The following ARHGAP15 variants were observed in gnomAD, a reference collection of about 807,000 sequenced individuals.
ARHGAP15 encodes Rho GTPase activating protein 15, also known as rho GTPase-activating protein 15.
A neutral mutation model predicts 63.7 loss-of-function variants in ARHGAP15; 51 were observed. The observed-to-expected ratio is 0.80, with a 90% CI of 0.64 to 1.01. The LOEUF is 1.01. ARHGAP15 is among the 50% of genes least tolerant of loss of function. The pLI is 0.00. For synonymous variants in ARHGAP15, 191 were observed against 193.8 expected, an observed-to-expected ratio of 0.99 and a Z score of 0.12; for missense variants, 560 against 564.6, an observed-to-expected ratio of 0.99 and a Z score of 0.08.
chr2:143,456,180 C>G (rs1370531746), intron 8 of ARHGAP15, among the ~76,000 whole-genome samples: 1 of 151,838 alleles, frequency 6.6e-6, no homozygotes, highest in Non-Finnish European at 1.5e-5. Context: ...TAACTTAGCC[C>G]CTGAAAGTTC....
At chr2:143,696,951 T>C (rs1384345551) in intron 12 of ARHGAP15, among the ~76,000 whole-genome samples, 1 of 152,178 alleles carries the variant, frequency 6.6e-6, no homozygotes, top group Non-Finnish European at 1.5e-5. Flanking sequence ...AAAGCCAAAC[T>C]TACAATGTAT....
At chr2:143,487,785 T>C (rs1692393729) in intron 9 of ARHGAP15, among the ~76,000 whole-genome samples, 1 of 152,150 alleles carries the variant, frequency 6.6e-6, no homozygotes, top group African/African-American at 2.4e-5. Flanking sequence ...GCTAGAATGA[T>C]ACCATGTCCT....
intron 11 of ARHGAP15, among the ~76,000 whole-genome samples, chr2:143,581,391 C>A (rs1003825662): frequency 6.6e-6 from 1 of 152,018 alleles, no homozygotes; most frequent in African/African-American, 2.4e-5. Context: ...AGCCCCATAG[C>A]CCCACAGCCC....
At chr2:143,187,434 G>T (rs1211962696) in intron 2 of ARHGAP15, among the ~76,000 whole-genome samples, 1 of 152,178 alleles carries the variant, frequency 6.6e-6, no homozygotes, top group Non-Finnish European at 1.5e-5. Context: ...TTTGGATAAA[G>T]AATGCAGGGG....
intron 1 of ARHGAP15, among the ~76,000 whole-genome samples, chr2:143,150,671 C>T (rs1337215744): frequency 6.6e-6 from 1 of 151,928 alleles, no homozygotes; most frequent in African/African-American, 2.4e-5. Flanking sequence ...ATGGATATCT[C>T]AAACACATGC....
chr2:143,248,752 A>G lies in ARHGAP15; in HGVS notation c.385-1759A>G, dbSNP rs377548826. Among the ~76,000 whole-genome samples the G allele has an allele frequency of 1.4e-4, 22 of 152,300 alleles. No homozygotes were observed. In the East Asian group the frequency reaches 3.5e-3, roughly 24 times the overall value. ...GCAAGGAAAATACGGAATCTTCCTCATTTTAGCCTTAGACTTCTGTATAAT... is the reference window on the plus strand; with the variant it reads ...GCAAGGAAAATACGGAATCTTCCTCGTTTTAGCCTTAGACTTCTGTATAAT... On this transcript the variant is annotated intron_variant, in intron 5 of 13. Coordinates refer to ENST00000295095, the MANE Select transcript of ARHGAP15 (RefSeq NM_018460.4).
chr2:143,543,115 T>G (rs1695176827), intron 10 of ARHGAP15, among the ~76,000 whole-genome samples: 1 of 151,898 alleles, frequency 6.6e-6, no homozygotes, highest in Non-Finnish European at 1.5e-5. Context: ...TTGAGGAATC[T>G]CTATATTTTT....
At chr2:143,504,769 G>T (rs562408123) in intron 9 of ARHGAP15, among the ~76,000 whole-genome samples, 1 of 152,086 alleles carries the variant, frequency 6.6e-6, no homozygotes, top group African/African-American at 2.4e-5. Context: ...CCTGAAGAAG[G>T]CACCTTACCT....
intron 10 of ARHGAP15, among the ~76,000 whole-genome samples, chr2:143,545,994 G>A (rs1695312244): frequency 6.6e-6 from 1 of 152,206 alleles, no homozygotes; most frequent in African/African-American, 2.4e-5. Flanking sequence ...TTGCTGAAAG[G>A]CTAGAACAGC....
rs184144848 is a variant in ARHGAP15, at chr2:143,232,573, T to C, written c.384+3905T>C. ...AAATGTATAAAACATCTATGTGTAT[T>C]TTTAATAGGTATCAATCAATCACCT... On this transcript the variant is annotated intron_variant, in intron 5 of 13. Coordinates refer to ENST00000295095, the MANE Select transcript of ARHGAP15 (RefSeq NM_018460.4). 2.3e-4 allele frequency among the ~76,000 whole-genome samples: 35 copies of C among 152,276 alleles called. No homozygotes were observed. In the East Asian group the frequency reaches 4.4e-3, roughly 19 times the overall value.
At chr2:143,519,680 C>A (rs1036896425) in intron 10 of ARHGAP15, among the ~76,000 whole-genome samples, 1 of 152,140 alleles carries the variant, frequency 6.6e-6, no homozygotes, top group African/African-American at 2.4e-5. Context: ...AGTGTTAGAA[C>A]CTTCCTAACA....
At chr2:143,756,880 GACTC>G (rs1686598069) in intron 13 of ARHGAP15, among the ~76,000 whole-genome samples, 1 of 152,148 alleles carries the variant, frequency 6.6e-6, no homozygotes, top group Non-Finnish European at 1.5e-5. Context: ...TGTTGACTCT[GACTC>G]ACTTTTTTCC....
At chr2:143,384,070 G>A (rs951550575) in intron 6 of ARHGAP15, among the ~76,000 whole-genome samples, 19 of 152,154 alleles carry the variant, frequency 1.2e-4, no homozygotes, top group Admixed American at 2.6e-4. Flanking sequence ...CAACCTTGCA[G>A]ATGACTATTC....
At chr2:143,257,402 T>C (rs1680481008) in intron 6 of ARHGAP15, among the ~76,000 whole-genome samples, 1 of 152,086 alleles carries the variant, frequency 6.6e-6, no homozygotes, top group Non-Finnish European at 1.5e-5. Context: ...TTCTTCTGTT[T>C]CTAACATTTC....
chr2:143,312,232 A>G (rs929355002), intron 6 of ARHGAP15, among the ~76,000 whole-genome samples: 1 of 152,152 alleles, frequency 6.6e-6, no homozygotes, highest in Non-Finnish European at 1.5e-5. Flanking sequence ...ATAAGAGGAT[A>G]TTATTGGATA....
intron 6 of ARHGAP15, among the ~76,000 whole-genome samples, chr2:143,259,966 C>A (rs1046673760): frequency 6.6e-6 from 1 of 152,018 alleles, no homozygotes; most frequent in African/African-American, 2.4e-5. Context: ...ACATGAGATG[C>A]TTTAATCCCT....
Position 143,688,157 on chromosome 2 carries a change from A to C in ARHGAP15, c.1139-15262A>C, listed in dbSNP as rs766219448. Among the ~76,000 whole-genome samples the C allele has an allele frequency of 2.0e-5, 3 of 152,064 alleles. No homozygotes were observed. The South Asian group carries it at 6.2e-4, about 32-fold the overall frequency. ...TAGGAAAATTCATATGTAATACCTA[A>C]TTGCTTGATTTTCTAGTTTTTATCA... On this transcript the variant is annotated intron_variant, in intron 12 of 13. Coordinates refer to ENST00000295095, the MANE Select transcript of ARHGAP15 (RefSeq NM_018460.4).
intron 2 of ARHGAP15, among the ~76,000 whole-genome samples, chr2:143,167,908 C>A (rs1380589436): frequency 6.6e-6 from 1 of 152,090 alleles, no homozygotes; most frequent in Non-Finnish European, 1.5e-5. Flanking sequence ...CTGCTTGGCC[C>A]TAAGGACATT....
chr2:143,432,896 T>C (rs1372296041), intron 6 of ARHGAP15, among the ~76,000 whole-genome samples: 1 of 152,048 alleles, frequency 6.6e-6, no homozygotes, highest in Admixed American at 6.6e-5. Context: ...AGCTCTTATC[T>C]AAACCTGTTA....
Sources: gnomAD v4.1 joint callset for allele counts (sites outside exome capture counted in the v4.1 genomes callset) on GRCh38, gnomAD v4.1.1 for gene constraint, MANE v1.5 for transcripts, NCBI Gene and HGNC (gene_info 2026-07-23, HGNC 2026-07-21) for gene names.